NOX4: variants seen among roughly 807,000 people sequenced by gnomAD.
The protein encoded by NOX4 is kidney oxidase-1.
Under a neutral mutation model 87.6 loss-of-function variants are expected in NOX4, and 69 were observed. That is an observed-to-expected ratio of 0.79 (90% CI 0.65 to 0.96). The LOEUF (loss-of-function observed/expected upper bound fraction) is 0.96. NOX4 is among the 40% of genes least tolerant of loss of function. The pLI is 0.00. For synonymous variants in NOX4, 275 were observed against 238.2 expected (o/e 1.15, Z -1.42); for missense variants, 680 against 681.5 (o/e 1.00, Z 0.02).
intron 11 of NOX4, among the ~76,000 whole-genome samples, chr11:89,399,472 T>TATATATATATATATATATA (rs1941697839): frequency 2.9e-5 from 4 of 140,270 alleles, no homozygotes; most frequent in East Asian, 2.1e-4. Context: ...TATATATATA[T>TATATATATATATATATATA]TTGTTTTTTG....
chr11:89,426,895 T>G (rs1406986134), intron 7 of NOX4, among the ~76,000 whole-genome samples: 1 of 152,056 alleles, frequency 6.6e-6, no homozygotes, highest in African/African-American at 2.4e-5. Context: ...AGCATGGAAT[T>G]TGAGATCTGA....
the NOX4 span, among the ~76,000 whole-genome samples, chr11:89,531,617 CAGTG>C: frequency 6.6e-6 from 1 of 152,190 alleles, no homozygotes; most frequent in South Asian, 2.1e-4. Context: ...GTTCTCATGA[CAGTG>C]AGTGAGTTCT....
the NOX4 span, among the ~76,000 whole-genome samples, chr11:89,525,703 G>A: frequency 6.6e-6 from 1 of 151,816 alleles, no homozygotes; most frequent in Non-Finnish European, 1.5e-5. Context: ...GTCCATTGTA[G>A]AGCCAAAGTT....
chr11:89,539,905 C>T, the NOX4 span, among the ~76,000 whole-genome samples: 1 of 152,114 alleles, frequency 6.6e-6, no homozygotes, highest in African/African-American at 2.4e-5. Flanking sequence ...ACCCTCTGGT[C>T]ATAAATTACT....
the NOX4 span, among the ~76,000 whole-genome samples, chr11:89,561,890 T>C: frequency 6.6e-5 from 10 of 152,172 alleles, no homozygotes; most frequent in Non-Finnish European, 1.0e-4. Flanking sequence ...GCCTTTGCTA[T>C]GTTATATACT....
chr11:89,412,626 C>A (rs1338243773), intron 8 of NOX4, among the ~76,000 whole-genome samples: 1 of 151,844 alleles, frequency 6.6e-6, no homozygotes. Flanking sequence ...AATGGAAATA[C>A]AACATGCCAG....
intron 2 of NOX4, among the ~76,000 whole-genome samples, chr11:89,472,517 T>C (rs1945991677): frequency 6.6e-6 from 1 of 152,214 alleles, no homozygotes; most frequent in South Asian, 2.1e-4. Context: ...TCAAATCTTT[T>C]CTATTTGTTT....
intron 4 of NOX4, among the ~76,000 whole-genome samples, chr11:89,445,221 A>C (rs1034193964): frequency 4.6e-5 from 7 of 152,162 alleles, no homozygotes; most frequent in African/African-American, 1.7e-4. Flanking sequence ...AAACCATTAT[A>C]GTTCACAATA....
rs774086814 is a variant in NOX4 at position 89,491,170 on chromosome 11, A to C, written c.57+20T>G. The C allele has an allele frequency of 1.2e-6, 2 of 1,611,610 alleles. No homozygotes were observed. Among genetic ancestry groups the C allele is most frequent in the Non-Finnish European group, 1.7e-6 (2 of 1,178,224 alleles). On this transcript the variant is annotated intron_variant, in intron 1 of 17. Transcript: ENST00000263317. ...TGCAGGACAGAGAGAACGCAAGGAG[A>C]GCCTAGCCCGCCATCCTACCAGGCA... is the stretch of plus-strand genomic sequence containing the variant.
In NOX4 at chr11:89,400,019, T is replaced by C. The variant is rs1941732787; in HGVS notation, c.1072A>G (p.Met358Val). ...ALENHPFTLT[M>V]CPTETKATFG... ...AAAGCAAGAGATATGTTTCTTACCA[T>C]TGTGAGGGTAAATGGATGATTTTCT... The change falls in exon 11 of 18, where the codon ATG (methionine) becomes GTG (valine). Residue 358 changes from methionine (M) to valine (V), a missense_variant and splice_region_variant. By Grantham distance (21) the Met-to-Val change is conservative. Transcript: ENST00000263317. The C allele has an allele frequency of 3.3e-5, 53 of 1,605,284 alleles. No homozygotes were observed. Among genetic ancestry groups the C allele is most frequent in the Non-Finnish European group, 4.5e-5 (53 of 1,173,628 alleles).
At chr11:89,332,614 C>T (rs1945521507) in intron 17 of NOX4, among the ~76,000 whole-genome samples, 1 of 151,816 alleles carries the variant, frequency 6.6e-6, no homozygotes, top group South Asian at 2.1e-4. Context: ...TCATAGTAAA[C>T]ATGGGAATTT....
At chr11:89,463,007 G>GT (rs1314546314) in intron 2 of NOX4, among the ~76,000 whole-genome samples, 1 of 151,836 alleles carries the variant, frequency 6.6e-6, no homozygotes, top group Non-Finnish European at 1.5e-5. Flanking sequence ...AATTCTAGGT[G>GT]TATGTATGGA....
rs765432369 is a variant in NOX4 at position 89,415,170 on chromosome 11, A to ATG, written c.629+6730_629+6731dup. Among the ~76,000 whole-genome samples, 38 of 151,656 alleles carry ATG rather than the reference A, an allele frequency of 2.5e-4. No homozygotes were observed. The East Asian group carries it at 3.5e-3, about 14-fold the overall frequency. On this transcript the variant is annotated intron_variant, in intron 8 of 17. Transcript: ENST00000263317. ...CATATTAAAAACAAACAAAAAATTAATGTGTGTGTGTGTGTAAAGTGCTAA... is the reference window on the plus strand; with the variant it reads ...CATATTAAAAACAAACAAAAAATTAATGTGTGTGTGTGTGTGTAAAGTGCTAA...
chr11:89,437,281 C>T (rs1944127104), intron 6 of NOX4, among the ~76,000 whole-genome samples: 1 of 151,946 alleles, frequency 6.6e-6, no homozygotes, highest in African/African-American at 2.4e-5. Flanking sequence ...GGCAATGTTT[C>T]CTAGATGCTG....
intron 8 of NOX4, among the ~76,000 whole-genome samples, chr11:89,406,841 T>C (rs1178644697): frequency 6.6e-6 from 1 of 152,102 alleles, no homozygotes; most frequent in Non-Finnish European, 1.5e-5. Context: ...ATTAATGCCA[T>C]ATAAACATAT....
intron 7 of NOX4, among the ~76,000 whole-genome samples, chr11:89,423,061 G>A (rs1434420287): frequency 1.3e-5 from 2 of 152,062 alleles, no homozygotes; most frequent in East Asian, 1.9e-4. Flanking sequence ...GTCTCCCAAA[G>A]TGCTGGGATT....
At chr11:89,372,651 T>A (rs1390431844) in intron 12 of NOX4, among the ~76,000 whole-genome samples, 3 of 151,538 alleles carry the variant, frequency 2.0e-5, no homozygotes, top group African/African-American at 7.3e-5. Context: ...CTAGACCACA[T>A]TTAATCTACA....
At chr11:89,522,494 G>A in the NOX4 span, among the ~76,000 whole-genome samples, 58 of 152,096 alleles carry the variant, frequency 3.8e-4, no homozygotes, top group African/African-American at 1.4e-3. Flanking sequence ...TAGAAACTGG[G>A]GTTTACTGGG....
chr11:89,422,435 G>C (rs1458063082), intron 7 of NOX4, among the ~76,000 whole-genome samples: 4 of 152,078 alleles, frequency 2.6e-5, no homozygotes, highest in Non-Finnish European at 4.4e-5. Context: ...GACGACCAAA[G>C]TGTTATATTT....
Sources: gnomAD v4.1 joint callset for allele counts (sites outside exome capture counted in the v4.1 genomes callset) on GRCh38, gnomAD v4.1.1 for gene constraint, MANE v1.5 for transcripts, NCBI Gene and HGNC (gene_info 2026-07-23, HGNC 2026-07-21) for gene names.